The following CAMK2B variants were observed in gnomAD, a reference collection of about 807,000 sequenced individuals.
CAMK2B encodes calcium/calmodulin dependent protein kinase II beta, also known as calcium/calmodulin-dependent protein kinase type II subunit beta.
A neutral mutation model predicts 93.7 loss-of-function variants in CAMK2B; 27 were observed. The ratio of observed to expected loss-of-function variants is 0.29; its 90% CI spans 0.21 to 0.40. The LOEUF is 0.40. CAMK2B is among the 10% of genes least tolerant of loss of function. CAMK2B has a pLI of 1.00. For missense variants in CAMK2B, 568 were observed against 895.8 expected (o/e 0.63, Z 4.67); for synonymous variants, 374 against 358.8 (o/e 1.04, Z -0.48).
At chr7:44,251,546 C>T (rs1196316157) in intron 5 of CAMK2B, among the ~76,000 whole-genome samples, 1 of 152,222 alleles carries the variant, frequency 6.6e-6, no homozygotes, top group Non-Finnish European at 1.5e-5. Flanking sequence ...GAGGCTCCTT[C>T]CCTCTCCATG....
chr7:44,309,122 T>G (rs1430933028), intron 1 of CAMK2B, among the ~76,000 whole-genome samples: 2 of 152,206 alleles, frequency 1.3e-5, no homozygotes, highest in African/African-American at 4.8e-5. Flanking sequence ...GCGACTGTGC[T>G]GTGCACTGTC....
chr7:44,250,349 C>T (rs2096768653), intron 5 of CAMK2B, among the ~76,000 whole-genome samples: 1 of 152,220 alleles, frequency 6.6e-6, no homozygotes, highest in Admixed American at 6.5e-5. Flanking sequence ...CCGATCCCCT[C>T]TAGGTTTGTT....
intron 1 of CAMK2B, among the ~76,000 whole-genome samples, chr7:44,295,495 G>T (rs1373781994): frequency 6.6e-6 from 1 of 152,190 alleles, no homozygotes; most frequent in Non-Finnish European, 1.5e-5. Context: ...CCAGTGCTGG[G>T]GTAGGGAAAC....
intron 1 of CAMK2B, among the ~76,000 whole-genome samples, chr7:44,307,356 A>G (rs28702880): frequency 3.0e-5 from 1 of 32,980 alleles, no homozygotes; most frequent in Non-Finnish European, 5.4e-5. Flanking sequence ...AGGGGGAGGA[A>G]GTTGTCAGCA....
intron 6 of CAMK2B, among the ~76,000 whole-genome samples, chr7:44,246,694 C>T (rs1000439269): frequency 6.6e-6 from 1 of 152,170 alleles, no homozygotes; most frequent in Non-Finnish European, 1.5e-5. Flanking sequence ...CATCCCTGCA[C>T]AGGTGCAAGA....
intron 10 of CAMK2B, 42 bp downstream of exon 10, chr7:44,242,176 C>T (rs746610087): frequency 3.1e-6 from 5 of 1,591,890 alleles, no homozygotes; most frequent in Non-Finnish European, 4.3e-6. Context: ...GCCATCTCCA[C>T]CAGGAGCCCC....
intron 16 of CAMK2B, among the ~76,000 whole-genome samples, chr7:44,231,420 A>T (rs1427533693): frequency 1.3e-5 from 2 of 152,126 alleles, no homozygotes; most frequent in Non-Finnish European, 2.9e-5. Flanking sequence ...TCCCCAACAC[A>T]TGAGGGCTCC....
Position 44,226,660 on chromosome 7 carries a change from C to A in CAMK2B, c.1469-16G>T, listed in dbSNP as rs746778591. 5.2e-6 allele frequency: 8 copies of A among 1,525,670 alleles called. No homozygotes were observed. Among genetic ancestry groups the A allele is most frequent in the Non-Finnish European group, 7.0e-6 (8 of 1,145,842 alleles). The allele number at this position is 1,525,670 out of a possible 1,614,324, so 94.5% of individuals were successfully genotyped here. ...ATCCTGGGGGCTGGGGCGGAACAGA[C>A]GAGACGTGAACACAAGGCAGGCACG... On this transcript the variant is annotated splice_polypyrimidine_tract_variant and intron_variant, in intron 19 of 23. Coordinates refer to ENST00000395749, the MANE Select transcript of CAMK2B (RefSeq NM_001220.5).
chr7:44,310,043 C>T (rs1793103765), intron 1 of CAMK2B, among the ~76,000 whole-genome samples: 1 of 152,262 alleles, frequency 6.6e-6, no homozygotes, highest in Admixed American at 6.5e-5. Flanking sequence ...CACCAAGCCA[C>T]GCGCGGAACC....
chr7:44,255,172 G>T (rs1353070276), intron 4 of CAMK2B, among the ~76,000 whole-genome samples: 1 of 152,158 alleles, frequency 6.6e-6, no homozygotes, highest in Non-Finnish European at 1.5e-5. Context: ...GGGTCTTGAG[G>T]TGTTCGAGGT....
At chr7:44,238,710 C>G (rs1487527198) in intron 13 of CAMK2B, among the ~76,000 whole-genome samples, 1 of 152,238 alleles carries the variant, frequency 6.6e-6, no homozygotes, top group African/African-American at 2.4e-5. Flanking sequence ...TTGGAGGCAC[C>G]GACAGGGAAC....
intron 1 of CAMK2B, among the ~76,000 whole-genome samples, chr7:44,289,937 T>G (rs1189759724): frequency 6.6e-6 from 1 of 152,198 alleles, no homozygotes; most frequent in Non-Finnish European, 1.5e-5. Context: ...CCGCAGCCCA[T>G]GTCCACACCA....
chr7:44,246,168 C>T (rs113227097), intron 6 of CAMK2B, among the ~76,000 whole-genome samples: 1 of 152,042 alleles, frequency 6.6e-6, no homozygotes, highest in Non-Finnish European at 1.5e-5. Context: ...GAGTCCTGCT[C>T]TCACCACTCT....
Position 44,262,935 on chromosome 7 carries a change from G to C in CAMK2B, c.220+70C>G, listed in dbSNP as rs144328357. ...TGCATCTCTTTGAAAGTCTGATAGA[G>C]AAACCGGAATGGGCTGCTGTCCGGG... On this transcript the variant is annotated intron_variant, in intron 3 of 23. Coordinates refer to ENST00000395749, the MANE Select transcript of CAMK2B (RefSeq NM_001220.5). The C allele has an allele frequency of 1.5e-3, 2,085 of 1,353,364 alleles. 22 individuals are homozygous for C. In the East Asian group the frequency reaches 0.02, roughly 13 times the overall value. 83.8% of individuals were successfully genotyped at this position (1,353,364 alleles called of 1,614,324 possible). A position where few individuals can be genotyped will look rare whatever the true frequency, so the allele number is the denominator to read the frequency against.
intron 8 of CAMK2B, 65 bp downstream of exon 8, chr7:44,243,185 G>A: frequency 8.2e-7 from 1 of 1,219,882 alleles, no homozygotes. Context: ...CACACTCCAG[G>A]ATGTAGGTGG....
intron 1 of CAMK2B, among the ~76,000 whole-genome samples, chr7:44,296,425 A>C (rs1214046867): frequency 6.6e-6 from 1 of 152,160 alleles, no homozygotes; most frequent in African/African-American, 2.4e-5. Context: ...AGACAAAACA[A>C]AATAATCCAA....
chr7:44,238,304 C>G (rs1243899769), intron 13 of CAMK2B, among the ~76,000 whole-genome samples: 1 of 152,232 alleles, frequency 6.6e-6, no homozygotes, highest in South Asian at 2.1e-4. Flanking sequence ...CGTCGCCCCA[C>G]GTTCACTTGC....
chr7:44,253,149 A>C (rs1221110941), intron 5 of CAMK2B, among the ~76,000 whole-genome samples: 4 of 152,254 alleles, frequency 2.6e-5, no homozygotes, highest in African/African-American at 9.6e-5. Context: ...CTACTTAAAA[A>C]AAAATTCATT....
In CAMK2B at chr7:44,219,694, C is replaced by T. The variant is rs1043398081; in HGVS notation, c.*3-172G>A. Reference sequence around the variant, plus strand: ...TTACTACTATCCCTGTAAAACTGGGCTCTGGGCCCGCTGCACCCACCACCT... The same window carrying T: ...TTACTACTATCCCTGTAAAACTGGGTTCTGGGCCCGCTGCACCCACCACCT... On this transcript the variant is annotated intron_variant, in intron 23 of 23. Transcript: ENST00000395749. 1.3e-5 allele frequency: 4 copies of T among 309,444 alleles called. No homozygotes were observed. The Admixed American group carries it at 1.9e-4, about 15-fold the overall frequency. The allele number at this position is 309,444 out of a possible 1,614,324, so 19.2% of individuals were successfully genotyped here.
Sources: gnomAD v4.1 joint callset for allele counts (sites outside exome capture counted in the v4.1 genomes callset) on GRCh38, gnomAD v4.1.1 for gene constraint, MANE v1.5 for transcripts, NCBI Gene and HGNC (gene_info 2026-07-23, HGNC 2026-07-21) for gene names.